KAT5: variants seen among roughly 807,000 people sequenced by gnomAD.
The protein encoded by KAT5 is histone acetyltransferase KAT5.
In KAT5, 31 loss-of-function variants were observed where a neutral mutation model predicts 68.1. That is an observed-to-expected ratio of 0.46 (90% CI 0.34 to 0.61). The LOEUF (loss-of-function observed/expected upper bound fraction) is 0.61. KAT5 is among the 20% of genes least tolerant of loss of function. The pLI is 0.01. For missense variants in KAT5, 451 were observed against 725.5 expected (o/e 0.62, Z 4.35); for synonymous variants, 365 against 292.6 (o/e 1.25, Z -2.52).
In KAT5 at chr11:65,712,919, C is replaced by T. The variant is rs778324932; in HGVS notation, c.248-3C>T. On this transcript the variant is annotated splice_polypyrimidine_tract_variant and splice_region_variant and intron_variant, in intron 2 of 12. Transcript: ENST00000341318. ...CTGTCCTGAGCCATCCCCACTGCTA[C>T]AGTCAACAAACGTCTGGATGAATGG... The T allele has an allele frequency of 6.2e-7, 1 of 1,614,140 alleles. No homozygotes were observed. The highest frequency in any genetic ancestry group is 8.5e-7 in the Non-Finnish European group (1 of 1,180,010).
Position 65,719,316 on chromosome 11 carries a change from C to G in KAT5, c.*135C>G. On this transcript the variant is annotated 3_prime_UTR_variant, in exon 13 of 13. Coordinates refer to ENST00000341318, the MANE Select transcript of KAT5 (RefSeq NM_182710.3). ...ACAGCTCAAAAAGGAGAGGACAGGC[C>G]TGGCAGGGGCCCACTGGTGCCCAGC... 1 of 1,108,402 alleles carries G rather than the reference C, an allele frequency of 9.0e-7. No individual in the cohort carries two copies. The highest frequency in any genetic ancestry group is 1.3e-6 in the Non-Finnish European group (1 of 793,908). 68.7% of individuals were successfully genotyped at this position (1,108,402 alleles called of 1,614,324 possible).
Position 65,716,787 on chromosome 11 carries a change from A to G in KAT5, c.1150A>G (p.Ile384Val), listed in dbSNP as rs1463379012. 3.7e-6 allele frequency: 6 copies of G among 1,614,018 alleles called. No homozygotes were observed. Among genetic ancestry groups the G allele is most frequent in the African/African-American group, 1.3e-5 (1 of 74,980 alleles). The change falls in exon 9 of 13, where the codon ATC (isoleucine) becomes GTC (valine). Residue 384 changes from isoleucine (I) to valine (V), a missense_variant. Transcript: ENST00000341318. ...AGAGTATGACTGTAAGGGCTTCCAC[A>G]TCGTGGGCTACTTCTCCAAGGTCAG... ...MTEYDCKGFH[I>V]VGYFSKEKES...
At chr11:65,716,646 G>T in intron 8 of KAT5, 21 bp from the exon 9 acceptor site, 1 of 1,611,140 alleles carries the variant, frequency 6.2e-7, no homozygotes, top group Middle Eastern at 1.7e-4. Context: ...CCAGAGTGGT[G>T]ACAAGCCTTT....
chr11:65,719,237 A>C lies in KAT5; in HGVS notation c.*56A>C, dbSNP rs1590971072. 1 of 1,584,782 alleles carries C rather than the reference A, an allele frequency of 6.3e-7. No individual in the cohort carries two copies. The highest frequency in any genetic ancestry group is 1.7e-5 in the Admixed American group (1 of 58,740). ...GCAGCAGGACTGGGGCTGATAGCCC[A>C]CCCCGCCCCCACTGCAGCTCCCACA... is the stretch of plus-strand genomic sequence containing the variant. On this transcript the variant is annotated 3_prime_UTR_variant, in exon 13 of 13. Transcript: ENST00000341318.
chr11:65,712,104 T>C (rs1857035971), upstream of KAT5: 1 of 614,408 alleles, frequency 1.6e-6, no homozygotes, highest in African/African-American at 1.9e-5. Flanking sequence ...AACACTCCGT[T>C]TTCCCCCGAG....
rs1225513306 is a variant in KAT5 at position 65,714,444 on chromosome 11, TC to T, written c.691-49del. On this transcript the variant is annotated intron_variant, in intron 6 of 12. Transcript: ENST00000341318. ...TGTCAAAGGGCTGTGAGCTGTGGTGTCCTGCTGAGCTGTCTCTTACAACCTG... is the reference window on the plus strand; with the variant it reads ...TGTCAAAGGGCTGTGAGCTGTGGTGTCTGCTGAGCTGTCTCTTACAACCTG... The T allele has an allele frequency of 3.8e-6, 6 of 1,591,498 alleles. No individual in the cohort carries two copies. The Admixed American group carries it at 1.0e-4, about 27-fold the overall frequency.
In KAT5 at chr11:65,712,369, G is replaced by C. The variant is rs774458759; in HGVS notation, c.102G>C (p.Leu34=). The change falls in exon 1 of 13, where the codon CTG becomes CTC. Residue 34 remains leucine, a synonymous_variant. Transcript: ENST00000341318. ...CAGTAGCCGACCCTGGCGTCGCGCT[G>C]TCTCCCCAGGGGGAGATAATCGAGG... ...GPPVADPGVA[L]SPQGEIIEGC... is the part of the protein sequence containing the mutation. The C allele has an allele frequency of 3.9e-6, 6 of 1,547,452 alleles. No homozygotes were observed. In the South Asian group the frequency reaches 7.5e-5, roughly 19 times the overall value.
chr11:65,716,589 A>G, intron 8 of KAT5, 78 bp from the exon 9 acceptor site: 1 of 1,406,784 alleles, frequency 7.1e-7, no homozygotes, highest in Non-Finnish European at 9.9e-7. Context: ...CGAACAGTGA[A>G]GCTCCTGGTT....
chr11:65,712,374 C>T lies in KAT5; in HGVS notation c.107C>T (p.Pro36Leu), dbSNP rs1310450850. 3 of 1,577,374 alleles carry T rather than the reference C, an allele frequency of 1.9e-6. No individual in the cohort carries two copies. Among genetic ancestry groups the T allele is most frequent in the Non-Finnish European group, 2.6e-6 (3 of 1,169,696 alleles). Residue 36 changes from proline to leucine, a missense_variant, in exon 1 of 13, where the codon CCC becomes CTC. Physicochemically the swap from Pro to Leu is moderately conservative, Grantham distance 98. Coordinates refer to ENST00000341318, the MANE Select transcript of KAT5 (RefSeq NM_182710.3). ...PVADPGVALS[P>L]QGEIIEGCRL... is the part of the protein sequence containing the mutation. ...GCCGACCCTGGCGTCGCGCTGTCTC[C>T]CCAGGGGGAGATAATCGAGGGCTGC...
In KAT5 at chr11:65,713,769, G is replaced by A. The variant is rs780664854; in HGVS notation, c.616-5G>A. ...CCATCCCTTCTTTTCCTACTATCTC[G>A]GCAGAATGGAGCCGCCCGTAGGGCA... On this transcript the variant is annotated splice_polypyrimidine_tract_variant and splice_region_variant and intron_variant, in intron 5 of 12. Coordinates refer to ENST00000341318, the MANE Select transcript of KAT5 (RefSeq NM_182710.3). 1.4e-5 allele frequency: 22 copies of A among 1,612,876 alleles called. No homozygotes were observed. The highest frequency in any genetic ancestry group is 1.1e-4 in the South Asian group (10 of 90,898).
intron 8 of KAT5, chr11:65,715,903 G>C (rs7120713): frequency 0.33 from 50,123 of 151,142 alleles, 8,638 homozygotes; most frequent in Non-Finnish European, 0.35. Context: ...AAACCCCCAG[G>C]TACTCGGGAG....
rs940297932 is a variant in KAT5 at position 65,712,952 on chromosome 11, A to G, written c.278A>G (p.His93Arg). Residue 93 changes from histidine (H) to arginine (R), a missense_variant, in exon 3 of 13, where the codon CAT becomes CGT. This residue lies in a region of KAT5 where 135 missense variants were observed against 173.4 expected (regional missense o/e 0.78). Coordinates refer to ENST00000341318, the MANE Select transcript of KAT5 (RefSeq NM_182710.3). ...AAACGTCTGGATGAATGGGTGACGC[A>G]TGAGCGGCTGGACCTAAAGAAGATC... ...FNKRLDEWVTHERLDLKKIQF... is the reference protein window; with the variant it reads ...FNKRLDEWVTRERLDLKKIQF... 1 of 1,614,164 alleles carries G rather than the reference A, an allele frequency of 6.2e-7. No individual in the cohort carries two copies. Among genetic ancestry groups the G allele is most frequent in the Non-Finnish European group, 8.5e-7 (1 of 1,180,036 alleles).
rs1446258258 is a variant in KAT5, at chr11:65,713,841, C to T, written c.683C>T (p.Thr228Ile). 3.2e-6 allele frequency: 5 copies of T among 1,579,826 alleles called. No homozygotes were observed. The highest frequency in any genetic ancestry group is 3.4e-6 in the Non-Finnish European group (4 of 1,162,448). The stretch of plus-strand genomic sequence containing the variant: ...AAGCGAAAATCGAATTGTTTGGGCA[C>T]TGATGAGGTGGGTCTGGGGAGCAGC... ...GRKRKSNCLG[T>I]DEDSQDSSDG... The change falls in exon 6 of 13, where the codon ACT (threonine) becomes ATT (isoleucine). Residue 228 changes from threonine (T) to isoleucine (I), a missense_variant. Coordinates refer to ENST00000341318, the MANE Select transcript of KAT5 (RefSeq NM_182710.3).
At chr11:65,712,515 A>G (rs1857054339) in intron 1 of KAT5, 70 bp downstream of exon 1, 1 of 1,490,244 alleles carries the variant, frequency 6.7e-7, no homozygotes, top group Non-Finnish European at 9.1e-7. Context: ...AAATCCCGGG[A>G]TGGGGAGGGG....
upstream of KAT5, chr11:65,712,128 C>G (rs1387464254): frequency 7.5e-6 from 6 of 795,268 alleles, no homozygotes; most frequent in African/African-American, 9.2e-5. Context: ...CAGGGGCAGT[C>G]TTGCCCCTCG....
upstream of KAT5, chr11:65,712,030 C>T: frequency 2.5e-6 from 1 of 402,464 alleles, no homozygotes; most frequent in Non-Finnish European, 4.4e-6. Context: ...GTGACGGACT[C>T]AGTAGACCGC....
chr11:65,713,965 T>C (rs1857114606), intron 6 of KAT5, 117 bp downstream of exon 6: 2 of 946,452 alleles, frequency 2.1e-6, no homozygotes, highest in Admixed American at 4.5e-5. Context: ...AGAGCTAGTG[T>C]TGGTGGGATT....
chr11:65,715,115 G>A lies in KAT5; in HGVS notation c.1029+205G>A, dbSNP rs963443809. 11 of 591,762 alleles carry A rather than the reference G, an allele frequency of 1.9e-5. No individual in the cohort carries two copies. The Admixed American group carries it at 3.0e-4, about 16-fold the overall frequency. The allele number at this position is 591,762 out of a possible 1,614,324, so 36.7% of individuals were successfully genotyped here. ...CCATGGGAGAGACAGTCATACCAAT[G>A]ACCTCTAGCTCCCAGTGTCCTAAGT... On this transcript the variant is annotated intron_variant, in intron 8 of 12. Coordinates refer to ENST00000341318, the MANE Select transcript of KAT5 (RefSeq NM_182710.3).
chr11:65,713,988 G>A (rs1045352608), intron 6 of KAT5, 140 bp downstream of exon 6: 2 of 792,584 alleles, frequency 2.5e-6, no homozygotes, highest in African/African-American at 1.7e-5. Context: ...GAGACAGGCA[G>A]AACATTGTTC....
Sources: gnomAD v4.1 joint callset for allele counts on GRCh38, gnomAD v4.1.1 for gene constraint, gnomAD v4.1.1 regional missense constraint, MANE v1.5 for transcripts, NCBI Gene and HGNC (gene_info 2026-07-23, HGNC 2026-07-21) for gene names.